Variants in EDEM3 observed in about 807,000 individuals in gnomAD.
EDEM3 encodes the protein ER degradation enhancing alpha-mannosidase like protein 3, also known as ER degradation-enhancing alpha-mannosidase-like protein 3.
In EDEM3, 60 loss-of-function variants were observed where a neutral mutation model predicts 110.2. That is an observed-to-expected ratio of 0.54 (90% CI 0.44 to 0.67). EDEM3 has a LOEUF of 0.67. Ranked by LOEUF, EDEM3 falls within the 30% of genes least tolerant of loss-of-function variation. EDEM3 has a pLI of 0.00. For synonymous variants in EDEM3, 352 were observed against 382.9 expected (o/e 0.92, Z 0.94); for missense variants, 996 against 1,121.0 (o/e 0.89, Z 1.59).
intron 5 of EDEM3, among the ~76,000 whole-genome samples, chr1:184,733,940 T>C (rs1651680566): frequency 1.3e-5 from 2 of 152,128 alleles, no homozygotes; most frequent in Admixed American, 1.3e-4. Context: ...GTTAACAAAC[T>C]ACGTAAGCTG....
At chr1:184,751,592 T>A (rs1349364435) in intron 1 of EDEM3, among the ~76,000 whole-genome samples, 4 of 152,194 alleles carry the variant, frequency 2.6e-5, no homozygotes, top group African/African-American at 9.6e-5. Context: ...CATAGAAGCC[T>A]AACAAAGTCA....
In EDEM3 at chr1:184,710,406, T is replaced by A. The variant is rs1439454308; in HGVS notation, c.1833A>T (p.Gln611His). Residue 611 changes from glutamine (Q) to histidine (H), a missense_variant, in exon 16 of 20, where the codon CAA (glutamine) becomes CAT (histidine). Gln to His is a conservative substitution (Grantham distance 24, BLOSUM62 0). Transcript: ENST00000318130. The part of the protein sequence containing the change: ...HLKDGRVQLV[Q>H]HAIQAASSID... Reference sequence around the variant, plus strand: ...AGCAATGTCTTACTTGGATTGCATGTTGGACCAACTGGACTCTCCCATCTT... The same window carrying A: ...AGCAATGTCTTACTTGGATTGCATGATGGACCAACTGGACTCTCCCATCTT... 2 of 1,613,732 alleles carry A rather than the reference T, an allele frequency of 1.2e-6. No homozygotes were observed. The highest frequency in any genetic ancestry group is 3.3e-5 in the Admixed American group (2 of 59,970).
At chr1:184,699,960 T>C (rs1649528485) in intron 19 of EDEM3, among the ~76,000 whole-genome samples, 1 of 151,962 alleles carries the variant, frequency 6.6e-6, no homozygotes, top group South Asian at 2.1e-4. Context: ...TTGCCTTTTG[T>C]TTGTGGGCAC....
intron 6 of EDEM3, among the ~76,000 whole-genome samples, chr1:184,729,258 A>G (rs1352860682): frequency 4.6e-5 from 7 of 152,230 alleles, no homozygotes; most frequent in African/African-American, 1.4e-4. Flanking sequence ...TGAGAGTCAC[A>G]AGGCAATTTT....
chr1:184,726,373 C>T lies in EDEM3; in HGVS notation c.629G>A (p.Gly210Asp). The T allele has an allele frequency of 6.2e-7, 1 of 1,612,924 alleles. No homozygotes were observed. Among genetic ancestry groups the T allele is most frequent in the African/African-American group, 1.3e-5 (1 of 74,980 alleles). The change falls in exon 7 of 20, where the codon GGC (glycine) becomes GAC (aspartate). Residue 210 changes from glycine (G) to aspartate (D), a missense_variant. This residue lies in a region of EDEM3 where 310 missense variants were observed against 394.6 expected (regional missense o/e 0.79). Transcript: ENST00000318130. ...TGTCCGAGCTTCTGGTTTTCTGATG[C>T]CAAACTTTAAATTAATCTGAATACA... is the stretch of plus-strand genomic sequence containing the variant. ...LPYPRINLKF[G>D]IRKPEARTGT...
In EDEM3 at chr1:184,750,518, C is replaced by CTTTTTTTTTTTTT. The variant is rs376949251; in HGVS notation, c.159-927_159-926insAAAAAAAAAAAAA. Among the ~76,000 whole-genome samples the CTTTTTTTTTTTTT allele has an allele frequency of 1.2e-4, 17 of 146,456 alleles. 1 individual carries two copies. The highest frequency in any genetic ancestry group is 2.2e-4 in the South Asian group (1 of 4,644). Reference sequence around the variant, plus strand: ...CTTAACAATTTTTTATTAACTTTTTCTTTTTTTTTTGAGACAGGGTCTCAC... The same window carrying CTTTTTTTTTTTTT: ...CTTAACAATTTTTTATTAACTTTTTCTTTTTTTTTTTTTTTTTTTTTTTGAGACAGGGTCTCAC... On this transcript the variant is annotated intron_variant, in intron 1 of 19. Transcript: ENST00000318130.
Position 184,754,641 on chromosome 1 carries a change from G to A in EDEM3, c.6C>T (p.Ser2=). M[S]EAGGRGCGSP... is the part of the protein sequence containing the mutation. Reference sequence around the variant, plus strand: ...ACCCACAGCCCCGGCCGCCGGCTTCGCTCATGGCCCCGCGGTTCCGCGCAC... The same window carrying A: ...ACCCACAGCCCCGGCCGCCGGCTTCACTCATGGCCCCGCGGTTCCGCGCAC... Residue 2 remains serine, a synonymous_variant, in exon 1 of 20, where the codon AGC becomes AGT. Transcript: ENST00000318130. The A allele has an allele frequency of 6.4e-7, 1 of 1,573,554 alleles. No individual in the cohort carries two copies. The highest frequency in any genetic ancestry group is 8.6e-7 in the Non-Finnish European group (1 of 1,160,414).
rs1171790311 is a variant in EDEM3 at position 184,690,855 on chromosome 1, A to C, written c.*3208T>G. On this transcript the variant is annotated 3_prime_UTR_variant, in exon 20 of 20. Transcript: ENST00000318130. ...CTTGTGCATAAAACGACCGGCTGGA[A>C]TATTTACTAAATTCTACCCCCCTCT... 6.6e-6 allele frequency: 1 copy of C among 152,484 alleles called. No individual in the cohort carries two copies. The highest frequency in any genetic ancestry group is 1.5e-5 in the Non-Finnish European group (1 of 67,988). The allele number at this position is 152,484 out of a possible 1,614,324, so 9.4% of individuals were successfully genotyped here. A position where few individuals can be genotyped will look rare whatever the true frequency, so the allele number is the denominator to read the frequency against.
intron 19 of EDEM3, among the ~76,000 whole-genome samples, chr1:184,695,655 A>G (rs1427295421): frequency 6.6e-6 from 1 of 152,004 alleles, no homozygotes; most frequent in East Asian, 1.9e-4. Context: ...AATATTTCCT[A>G]TCCACAGTTG....
At chr1:184,733,179 T>A (rs535023523) in intron 5 of EDEM3, among the ~76,000 whole-genome samples, 189 bp from the exon 6 acceptor site, 22 of 152,364 alleles carry the variant, frequency 1.4e-4, no homozygotes, top group African/African-American at 4.8e-4. Context: ...ATATATTTTT[T>A]AAAAAATTAG....
chr1:184,715,868 G>T (rs1650517041), intron 13 of EDEM3, among the ~76,000 whole-genome samples: 1 of 152,150 alleles, frequency 6.6e-6, no homozygotes, highest in Non-Finnish European at 1.5e-5. Flanking sequence ...ATTAGCTGTG[G>T]TTAGGGATGG....
intron 1 of EDEM3, among the ~76,000 whole-genome samples, chr1:184,751,359 T>C (rs1250675508): frequency 1.3e-5 from 2 of 152,058 alleles, no homozygotes; most frequent in Non-Finnish European, 1.5e-5. Flanking sequence ...GAAATTCCTA[T>C]AATTGGCAAT....
intron 2 of EDEM3, among the ~76,000 whole-genome samples, chr1:184,748,411 T>TACTCC (rs1404152517): frequency 6.7e-6 from 1 of 150,044 alleles, no homozygotes; most frequent in Non-Finnish European, 1.5e-5. Context: ...AGTGCCGCTA[T>TACTCC]ACTCCACAGC....
rs1649115595 is a variant in EDEM3 at position 184,692,751 on chromosome 1, T to C, written c.*1312A>G. The C allele has an allele frequency of 7.4e-6, 1 of 134,682 alleles. No homozygotes were observed. Among genetic ancestry groups the C allele is most frequent in the Non-Finnish European group, 1.6e-5 (1 of 63,812 alleles). 8.3% of individuals were successfully genotyped at this position (134,682 alleles called of 1,614,324 possible). On this transcript the variant is annotated 3_prime_UTR_variant, in exon 20 of 20. Transcript: ENST00000318130. ...AATTTAAAAATTTTTAAGACTTAAA[T>C]GTGGCCAGCACCAGACTACTACAAC...
In EDEM3 at chr1:184,754,672, G is replaced by A. The variant is rs1652998459; in HGVS notation, c.-26C>T. 4 of 1,521,590 alleles carry A rather than the reference G, an allele frequency of 2.6e-6. No individual in the cohort carries two copies. The highest frequency in any genetic ancestry group is 2.6e-6 in the Non-Finnish European group (3 of 1,135,990). The allele number at this position is 1,521,590 out of a possible 1,614,324, so 94.3% of individuals were successfully genotyped here. On this transcript the variant is annotated 5_prime_UTR_variant, in exon 1 of 20. Coordinates refer to ENST00000318130, the MANE Select transcript of EDEM3 (RefSeq NM_025191.4). Reference sequence around the variant, plus strand: ...GGCCCCGCGGTTCCGCGCACGCGCAGCTGCTACGCCCGGCCGGTGAGACAC... The same window carrying A: ...GGCCCCGCGGTTCCGCGCACGCGCAACTGCTACGCCCGGCCGGTGAGACAC...
In EDEM3 at chr1:184,691,103, G is replaced by A. The variant is rs539930661; in HGVS notation, c.*2960C>T. The A allele has an allele frequency of 3.0e-4, 46 of 152,594 alleles. No homozygotes were observed. The highest frequency in any genetic ancestry group is 7.5e-4 in the African/African-American group (31 of 41,538). 9.5% of individuals were successfully genotyped at this position (152,594 alleles called of 1,614,324 possible). A position where few individuals can be genotyped will look rare whatever the true frequency, so the allele number is the denominator to read the frequency against. On this transcript the variant is annotated 3_prime_UTR_variant, in exon 20 of 20. Coordinates refer to ENST00000318130, the MANE Select transcript of EDEM3 (RefSeq NM_025191.4). ...TAATACTGTAAAGAAAAAGGGAGAC[G>A]TATAATGCCAAGAGTTAATTTGTTC...
chr1:184,700,294 A>C (rs1649547687), intron 19 of EDEM3, among the ~76,000 whole-genome samples: 1 of 151,994 alleles, frequency 6.6e-6, no homozygotes, highest in Non-Finnish European at 1.5e-5. Context: ...AAATATGAAA[A>C]GGACTTCTTA....
chr1:184,722,291 T>G (rs113204742), intron 8 of EDEM3, among the ~76,000 whole-genome samples: 81 of 152,134 alleles, frequency 5.3e-4, no homozygotes, highest in African/African-American at 1.8e-3. Context: ...TCTTCATTTT[T>G]AAATGAGTCT....
rs777046964 is a variant in EDEM3 at position 184,711,861 on chromosome 1, T to A, written c.1553A>T (p.Glu518Val). The A allele has an allele frequency of 6.2e-7, 1 of 1,609,810 alleles. No individual in the cohort carries two copies. The highest frequency in any genetic ancestry group is 1.3e-5 in the African/African-American group (1 of 74,690). Residue 518 changes from glutamate to valine, a missense_variant, in exon 15 of 20, where the codon GAA becomes GTA. Glu to Val is a moderately radical substitution (Grantham distance 121, BLOSUM62 -2). This residue lies in a region of EDEM3 where 138 missense variants were observed against 124.3 expected (regional missense o/e 1.11). Coordinates refer to ENST00000318130, the MANE Select transcript of EDEM3 (RefSeq NM_025191.4). ...CCAATCGAAGTTACTGTCATCCAGT[T>A]CTGTATATTCCGAGGTCTACAAGAG... ...SKKNTTSEYT[E>V]LDDSNFDWTC...
Sources: gnomAD v4.1 joint callset for allele counts (sites outside exome capture counted in the v4.1 genomes callset) on GRCh38, gnomAD v4.1.1 for gene constraint, gnomAD v4.1.1 regional missense constraint, MANE v1.5 for transcripts, NCBI Gene and HGNC (gene_info 2026-07-23, HGNC 2026-07-21) for gene names.